PARP4: variants seen among roughly 807,000 people sequenced by gnomAD.
The protein encoded by PARP4 is protein mono-ADP-ribosyltransferase PARP4.
Under a neutral mutation model 187.7 loss-of-function variants are expected in PARP4, and 120 were observed. The ratio of observed to expected loss-of-function variants is 0.64; its 90% confidence interval spans 0.55 to 0.74. PARP4 has a LOEUF of 0.74. Among genes scored for constraint, PARP4 ranks in the 30% least tolerant of loss-of-function variants. PARP4 has a pLI of 0.00. For missense variants in PARP4, 1,836 were observed against 2,070.5 expected (o/e 0.89, Z 2.20); for synonymous variants, 654 against 740.9 (o/e 0.88, Z 1.90).
chr13:24,477,855 A>G lies in PARP4; in HGVS notation c.1635T>C (p.Asp545=), dbSNP rs1437683981. The G allele has an allele frequency of 8.4e-6, 13 of 1,556,516 alleles. No homozygotes were observed. The Admixed American group carries it at 2.3e-4, about 28-fold the overall frequency. Residue 545 remains aspartate (D), a splice_region_variant and synonymous_variant, in exon 14 of 34, where the codon GAT becomes GAC. Transcript: ENST00000381989. ...QTASVTTDFE[D]DEFVVYKTNQ... ...TGGTTTTATAGACAACAAATTCATC[A>G]TCCTAGAGCAAACAGAAATCAGTAG...
At chr13:24,508,020 A>C (rs1385044777) in intron 1 of PARP4, among the ~76,000 whole-genome samples, 1 of 152,176 alleles carries the variant, frequency 6.6e-6, no homozygotes, top group African/African-American at 2.4e-5. Context: ...GCCTTTCCAT[A>C]ACATTAGCAT....
chr13:24,459,911 C>G, intron 18 of PARP4, 61 bp downstream of exon 18: 1 of 1,436,878 alleles, frequency 7.0e-7, no homozygotes, highest in Admixed American at 2.0e-5. Context: ...TCCTCCACAG[C>G]CCTCCACCAC....
chr13:24,472,797 A>G (rs192501015), intron 15 of PARP4, among the ~76,000 whole-genome samples: 2 of 151,618 alleles, frequency 1.3e-5, no homozygotes, highest in East Asian at 3.9e-4. Context: ...TGCTTTGACC[A>G]GTTCTTACTC....
intron 28 of PARP4, among the ~76,000 whole-genome samples, chr13:24,443,289 G>A (rs999130225): frequency 3.3e-5 from 5 of 151,758 alleles, no homozygotes; most frequent in African/African-American, 9.7e-5. Context: ...TCAGCATTTC[G>A]CTCTCAGGCC....
At chr13:24,473,016 A>G (rs1872798300) in intron 15 of PARP4, among the ~76,000 whole-genome samples, 1 of 148,342 alleles carries the variant, frequency 6.7e-6, no homozygotes, top group Admixed American at 6.9e-5. Flanking sequence ...GACTTTGCCC[A>G]TTCTAGTAAT....
intron 27 of PARP4, among the ~76,000 whole-genome samples, 157 bp from the exon 28 acceptor site, chr13:24,443,887 T>C (rs1441062504): frequency 2.0e-5 from 3 of 152,212 alleles, no homozygotes; most frequent in Non-Finnish European, 4.4e-5. Flanking sequence ...TGTATACAGT[T>C]GTGTGACCAC....
At chr13:24,463,433 T>C (rs1199171109) in intron 17 of PARP4, among the ~76,000 whole-genome samples, 3 of 151,978 alleles carry the variant, frequency 2.0e-5, no homozygotes, top group Non-Finnish European at 2.9e-5. Context: ...TAGAAAGAAA[T>C]GAAGAGCACC....
At position 24,434,625 on chromosome 13, in the gene PARP4, C is replaced by G; in HGVS notation, c.4516G>C (p.Gly1506Arg). The G allele has an allele frequency of 1.2e-6, 2 of 1,612,436 alleles. No homozygotes were observed. Among genetic ancestry groups the G allele is most frequent in the East Asian group, 2.2e-5 (1 of 44,822 alleles). ...VDLCLLEESV[G>R]SLEGSRCPVF... Reference sequence around the variant, plus strand: ...GGACATCGACTTCCTTCGAGACTGCCTACTGATTCTTCTAGAAGACAGAGA... The same window carrying G: ...GGACATCGACTTCCTTCGAGACTGCGTACTGATTCTTCTAGAAGACAGAGA... The change falls in exon 31 of 34, where the codon GGC becomes CGC. Residue 1506 changes from glycine to arginine, a missense_variant. By Grantham distance (125) the Gly-to-Arg change is moderately radical. Transcript: ENST00000381989.
At position 24,492,583 on chromosome 13, in the gene PARP4, T is replaced by G. The variant is rs1868720015; in HGVS notation, c.891A>C (p.Ala297=). Reference sequence around the variant, plus strand: ...CCTTTACTAGAAGGAGAATCCCCTCTGCCTTGCTCACCTTTCAACAGATCA... The same window carrying G: ...CCTTTACTAGAAGGAGAATCCCCTCGGCCTTGCTCACCTTTCAACAGATCA... ...NRISLNDVSK[A]EGILLLVKAA... The change falls in exon 9 of 34, where the codon GCA becomes GCC. Residue 297 remains alanine (A), a synonymous_variant. Coordinates refer to ENST00000381989, the MANE Select transcript of PARP4 (RefSeq NM_006437.4). 8.7e-6 allele frequency: 14 copies of G among 1,613,696 alleles called. No individual in the cohort carries two copies. The highest frequency in any genetic ancestry group is 1.1e-5 in the Non-Finnish European group (13 of 1,179,732).
At chr13:24,507,552 G>C (rs935537300) in intron 1 of PARP4, among the ~76,000 whole-genome samples, 4 of 152,134 alleles carry the variant, frequency 2.6e-5, no homozygotes, top group Non-Finnish European at 5.9e-5. Flanking sequence ...TCTGCCAGCT[G>C]TATCTCTTCC....
chr13:24,502,216 T>TG (rs1380309547), intron 2 of PARP4, among the ~76,000 whole-genome samples: 10 of 149,766 alleles, frequency 6.7e-5, no homozygotes, highest in Non-Finnish European at 3.0e-5. Context: ...TAGAAAATCT[T>TG]GTTTTTTTTG....
At chr13:24,480,229 C>A (rs1873204694) in intron 12 of PARP4, among the ~76,000 whole-genome samples, 1 of 152,222 alleles carries the variant, frequency 6.6e-6, no homozygotes, top group South Asian at 2.1e-4. Context: ...TGTGCCCATA[C>A]AAGGTGGTGG....
chr13:24,456,447 A>T lies in PARP4; in HGVS notation c.2456T>A (p.Met819Lys). The change falls in exon 21 of 34, where the codon ATG becomes AAG. Residue 819 changes from methionine to lysine, a missense_variant. Met to Lys is a moderately conservative substitution (Grantham distance 95, BLOSUM62 -1). Coordinates refer to ENST00000381989, the MANE Select transcript of PARP4 (RefSeq NM_006437.4). The stretch of plus-strand genomic sequence containing the variant: ...ACTGCTGTCTAAGGAGCTGCCTTCC[A>T]TGGTGCTAATGACAGCTTTGCAGTC... Reference protein sequence around the residue: ...RTDCKAVISTMEGSSLDSSGF... With the variant: ...RTDCKAVISTKEGSSLDSSGF... 2 of 1,607,238 alleles carry T rather than the reference A, an allele frequency of 1.2e-6. No homozygotes were observed. The highest frequency in any genetic ancestry group is 1.7e-6 in the Non-Finnish European group (2 of 1,174,548).
At chr13:24,471,220 G>C (rs1254020341) in intron 15 of PARP4, among the ~76,000 whole-genome samples, 1 of 152,202 alleles carries the variant, frequency 6.6e-6, no homozygotes, top group Non-Finnish European at 1.5e-5. Context: ...AGGCATGTAT[G>C]CTTGCCCTGA....
intron 17 of PARP4, among the ~76,000 whole-genome samples, chr13:24,468,438 CTT>C (rs1465622079): frequency 1.4e-4 from 18 of 132,134 alleles, no homozygotes; most frequent in African/African-American, 5.2e-4. Flanking sequence ...GAGTTTCGCT[CTT>C]GTTGCCCAGG....
Position 24,420,939 on chromosome 13 carries a change from G to T in PARP4, c.*180C>A. 1.7e-6 allele frequency: 1 copy of T among 587,106 alleles called. No homozygotes were observed. The highest frequency in any genetic ancestry group is 5.2e-5 in the East Asian group (1 of 19,380). The allele number at this position is 587,106 out of a possible 1,614,324, so 36.4% of individuals were successfully genotyped here. A position where few individuals can be genotyped will look rare whatever the true frequency, so the allele number is the denominator to read the frequency against. ...GACACAGAAAACTGAAATATTTTAA[G>T]TTTCATTTTATTATTGCTTGTTAGT... On this transcript the variant is annotated 3_prime_UTR_variant, in exon 34 of 34. Coordinates refer to ENST00000381989, the MANE Select transcript of PARP4 (RefSeq NM_006437.4).
chr13:24,491,672 C>T (rs1868662153), intron 9 of PARP4, among the ~76,000 whole-genome samples: 1 of 152,178 alleles, frequency 6.6e-6, no homozygotes, highest in Non-Finnish European at 1.5e-5. Context: ...AGAGTGACTT[C>T]AGCCTAGTCT....
intron 32 of PARP4, among the ~76,000 whole-genome samples, chr13:24,430,818 A>G (rs1344585184): frequency 1.3e-5 from 2 of 152,186 alleles, no homozygotes; most frequent in Non-Finnish European, 2.9e-5. Context: ...GCTGGCTAGG[A>G]GCTCATCAGA....
intron 12 of PARP4, among the ~76,000 whole-genome samples, chr13:24,482,231 A>C: frequency 6.6e-6 from 1 of 152,226 alleles, no homozygotes; most frequent in East Asian, 1.9e-4. Context: ...ATGAGTGAAG[A>C]AAGTGGTTTC....
Sources: gnomAD v4.1 joint callset for allele counts (sites outside exome capture counted in the v4.1 genomes callset) on GRCh38, gnomAD v4.1.1 for gene constraint, MANE v1.5 for transcripts, NCBI Gene and HGNC (gene_info 2026-07-23, HGNC 2026-07-21) for gene names.